SRBD1: variants seen among roughly 807,000 people sequenced by gnomAD.
SRBD1 encodes the protein S1 RNA-binding domain-containing protein 1.
In SRBD1, 88 loss-of-function variants were observed where a neutral mutation model predicts 115.3. The ratio of observed to expected loss-of-function variants is 0.76; its 90% CI spans 0.64 to 0.91. The LOEUF (loss-of-function observed/expected upper bound fraction) is 0.91, where lower values mean the gene tolerates loss of function less well. Among genes scored for constraint, SRBD1 ranks in the 40% least tolerant of loss-of-function variants. SRBD1 has a pLI of 0.00. For synonymous variants in SRBD1, 509 were observed against 407.7 expected (o/e 1.25, Z -2.99); for missense variants, 1,385 against 1,177.4 (o/e 1.18, Z -2.58).
rs74880853 is a variant in SRBD1 at position 45,407,565 on chromosome 2, G to A, written c.2513+5549C>T. On this transcript the variant is annotated intron_variant, in intron 19 of 20. Transcript: ENST00000263736. ...CCTCTATTCATTTTTATATACTTCA[G>A]CCCCTATCACAGTGTTCTGTACATT... Among the ~76,000 whole-genome samples the A allele has an allele frequency of 4.6e-3, 696 of 152,174 alleles. 2 individuals carry two copies. Among genetic ancestry groups the A allele is most frequent in the Non-Finnish European group, 7.5e-3 (512 of 68,010 alleles).
chr2:45,425,513 G>T (rs1442827648), intron 16 of SRBD1, among the ~76,000 whole-genome samples: 1 of 152,100 alleles, frequency 6.6e-6, no homozygotes, highest in Non-Finnish European at 1.5e-5. Context: ...TCACACAGTA[G>T]GGGGTGGCTG....
At chr2:45,424,517 T>A (rs1668096262) in intron 16 of SRBD1, among the ~76,000 whole-genome samples, 1 of 152,138 alleles carries the variant, frequency 6.6e-6, no homozygotes, top group Non-Finnish European at 1.5e-5. Flanking sequence ...TATCTATACA[T>A]TAAGTTAAAT....
Position 45,611,201 on chromosome 2 carries a change from G to A in SRBD1, c.-1+18C>T, listed in dbSNP as rs1360794316. On this transcript the variant is annotated intron_variant, in intron 1 of 20. Coordinates refer to ENST00000263736, the MANE Select transcript of SRBD1 (RefSeq NM_018079.5). The stretch of plus-strand genomic sequence containing the variant: ...TGAGAACCCGCAAGACGACCGCCAA[G>A]GCGCACGCACAGCTCACCTTCCCGC... 1 of 152,240 alleles carries A rather than the reference G, an allele frequency of 6.6e-6. No homozygotes were observed. Among genetic ancestry groups the A allele is most frequent in the Non-Finnish European group, 1.5e-5 (1 of 68,062 alleles). 9.4% of individuals were successfully genotyped at this position (152,240 alleles called of 1,614,324 possible).
chr2:45,494,328 T>C (rs1012717961), intron 14 of SRBD1, among the ~76,000 whole-genome samples: 26 of 152,146 alleles, frequency 1.7e-4, no homozygotes, highest in Non-Finnish European at 3.7e-4. Flanking sequence ...GGTTTAAAAA[T>C]GTAAGAACAA....
intron 4 of SRBD1, among the ~76,000 whole-genome samples, chr2:45,591,999 G>C (rs1673740825): frequency 6.6e-6 from 1 of 152,080 alleles, no homozygotes; most frequent in Non-Finnish European, 1.5e-5. Flanking sequence ...AGGGACCCAG[G>C]GGGAGGTAAT....
At chr2:45,482,789 C>T (rs913849934) in intron 15 of SRBD1, among the ~76,000 whole-genome samples, 1 of 152,000 alleles carries the variant, frequency 6.6e-6, no homozygotes. Context: ...CCTGCAGACA[C>T]CAAAATCTGC....
chr2:45,562,829 A>T, intron 9 of SRBD1, 73 bp from the exon 10 acceptor site: 3 of 889,066 alleles, frequency 3.4e-6, no homozygotes, highest in Non-Finnish European at 5.1e-6. Flanking sequence ...TATGTAGCTG[A>T]CAGCTATATG....
chr2:45,568,292 G>A (rs939413504), intron 9 of SRBD1, among the ~76,000 whole-genome samples: 1 of 152,152 alleles, frequency 6.6e-6, no homozygotes, highest in South Asian at 2.1e-4. Context: ...ACAGTACTTG[G>A]AGAGAGTTCC....
At chr2:45,584,175 A>G (rs539356679) in intron 5 of SRBD1, among the ~76,000 whole-genome samples, 4 of 152,330 alleles carry the variant, frequency 2.6e-5, no homozygotes, top group African/African-American at 9.6e-5. Flanking sequence ...GAAATTTGTT[A>G]CGTAAAAACT....
chr2:45,476,092 A>C (rs188170651), intron 16 of SRBD1, among the ~76,000 whole-genome samples: 51 of 152,346 alleles, frequency 3.3e-4, no homozygotes, highest in Admixed American at 2.9e-3. Flanking sequence ...AGTCCAGTTA[A>C]AGGTCTGAAT....
At chr2:45,602,182 GGT>G in intron 2 of SRBD1, 99 bp from the exon 3 acceptor site, 20 of 1,362,494 alleles carry the variant, frequency 1.5e-5, no homozygotes, top group Non-Finnish European at 2.0e-5. Context: ...TAAAGTAGGA[GGT>G]GTTTAATATA....
intron 7 of SRBD1, among the ~76,000 whole-genome samples, chr2:45,575,307 T>C (rs753602464): frequency 3.3e-5 from 5 of 152,236 alleles, no homozygotes; most frequent in Non-Finnish European, 5.9e-5. Context: ...CACAGTTAAA[T>C]TGTCTACAGA....
Position 45,389,407 on chromosome 2 carries a change from C to G in SRBD1, c.2891G>C (p.Ser964Thr), listed in dbSNP as rs769986505. Residue 964 changes from serine (S) to threonine (T), a missense_variant, in exon 21 of 21, where the codon AGC becomes ACC. Ser to Thr is a moderately conservative substitution (Grantham distance 58). Transcript: ENST00000263736. ...TCTTTCTCCGGGGCCCAGTCCAAGG[C>G]TTCTTCTCTTCTTTGTTTTTGAAAG... ...AKLSKTKKRR[S>T]LGLGPGERVE... The G allele has an allele frequency of 6.2e-7, 1 of 1,614,060 alleles. No homozygotes were observed. The highest frequency in any genetic ancestry group is 2.2e-5 in the East Asian group (1 of 44,864).
At chr2:45,468,367 T>C (rs1237458694) in intron 16 of SRBD1, among the ~76,000 whole-genome samples, 1 of 151,772 alleles carries the variant, frequency 6.6e-6, no homozygotes, top group Non-Finnish European at 1.5e-5. Flanking sequence ...TTTTCACTAC[T>C]ATAAATATTG....
At chr2:45,487,367 C>A (rs1052619176) in intron 15 of SRBD1, among the ~76,000 whole-genome samples, 1 of 152,102 alleles carries the variant, frequency 6.6e-6, no homozygotes, top group Non-Finnish European at 1.5e-5. Flanking sequence ...AATTTCTTTA[C>A]ACACAAGATT....
chr2:45,579,813 C>T (rs1217782465), intron 7 of SRBD1, 62 bp downstream of exon 7: 185 of 1,442,998 alleles, frequency 1.3e-4, no homozygotes, highest in Non-Finnish European at 1.6e-4. Flanking sequence ...TTTTAACATA[C>T]GTTTTTAAAT....
chr2:45,546,281 G>C (rs1672116834), intron 14 of SRBD1: 1 of 985,284 alleles, frequency 1.0e-6, no homozygotes, highest in Non-Finnish European at 1.2e-6. Context: ...AATGAGGAAA[G>C]AATACTGGAA....
intron 14 of SRBD1, among the ~76,000 whole-genome samples, chr2:45,544,434 T>G (rs1019334558): frequency 6.6e-6 from 1 of 152,084 alleles, no homozygotes. Context: ...AAAAGAGGAT[T>G]AAAACTATAT....
At chr2:45,425,851 C>T (rs1368248864) in intron 16 of SRBD1, among the ~76,000 whole-genome samples, 8 of 152,304 alleles carry the variant, frequency 5.3e-5, no homozygotes, top group South Asian at 4.1e-4. Context: ...CTTTGCAACC[C>T]GCAGACCAGG....
Sources: gnomAD v4.1 joint callset for allele counts (sites outside exome capture counted in the v4.1 genomes callset) on GRCh38, gnomAD v4.1.1 for gene constraint, MANE v1.5 for transcripts, NCBI Gene and HGNC (gene_info 2026-07-23, HGNC 2026-07-21) for gene names.